GALNTL6: variants seen among roughly 807,000 people sequenced by gnomAD.
GALNTL6 encodes polypeptide N-acetylgalactosaminyltransferase like 6.
Under a neutral mutation model 73.7 loss-of-function variants are expected in GALNTL6, and 46 were observed. The observed-to-expected ratio is 0.62, with a 90% confidence interval of 0.49 to 0.80. The LOEUF (loss-of-function observed/expected upper bound fraction) is 0.80, where lower values mean the gene tolerates loss of function less well. Among genes scored for constraint, GALNTL6 ranks in the 30% least tolerant of loss-of-function variants. GALNTL6 has a pLI of 0.00. For synonymous variants in GALNTL6, 259 were observed against 263.7 expected (o/e 0.98, Z 0.17); for missense variants, 604 against 755.0 (o/e 0.80, Z 2.34).
intron 3 of GALNTL6, among the ~76,000 whole-genome samples, chr4:172,230,892 A>G (rs1235742964): frequency 2.0e-5 from 3 of 152,218 alleles, no homozygotes; most frequent in African/African-American, 7.2e-5. Context: ...AACTAGAGTT[A>G]GTAACAAAAT....
At chr4:172,747,953 G>T (rs939877537) in intron 5 of GALNTL6, among the ~76,000 whole-genome samples, 3 of 151,274 alleles carry the variant, frequency 2.0e-5, no homozygotes, top group Non-Finnish European at 2.9e-5. Flanking sequence ...CACTATATAA[G>T]CTCACTGACA....
chr4:172,042,060 C>T (rs2110841482), intron 2 of GALNTL6, among the ~76,000 whole-genome samples: 1 of 152,140 alleles, frequency 6.6e-6, no homozygotes, highest in East Asian at 1.9e-4. Context: ...ATTCAGCCAC[C>T]TTCCAGCTGC....
intron 2 of GALNTL6, among the ~76,000 whole-genome samples, chr4:171,864,261 A>T (rs1348177732): frequency 1.3e-5 from 2 of 152,208 alleles, no homozygotes; most frequent in African/African-American, 4.8e-5. Flanking sequence ...TTAGGTTCTG[A>T]ATATGATTAA....
chr4:172,053,276 GT>G (rs201744095), intron 2 of GALNTL6, among the ~76,000 whole-genome samples: 1 of 152,086 alleles, frequency 6.6e-6, no homozygotes, highest in Non-Finnish European at 1.5e-5. Context: ...CAGACATGGT[GT>G]TTTTTTAAAA....
intron 2 of GALNTL6, among the ~76,000 whole-genome samples, chr4:171,884,166 C>A (rs1371572537): frequency 1.3e-5 from 2 of 152,162 alleles, no homozygotes; most frequent in Non-Finnish European, 2.9e-5. Flanking sequence ...CTGTCTGAGG[C>A]CACAGTGACC....
chr4:172,486,218 T>A (rs1267807659), intron 5 of GALNTL6, among the ~76,000 whole-genome samples: 1 of 152,186 alleles, frequency 6.6e-6, no homozygotes, highest in Non-Finnish European at 1.5e-5. Context: ...TTAGCTAATA[T>A]ATAGAATCAT....
intron 5 of GALNTL6, among the ~76,000 whole-genome samples, chr4:172,528,788 T>C (rs1735057743): frequency 6.6e-6 from 1 of 150,724 alleles, no homozygotes. Flanking sequence ...ATTATTGTGT[T>C]CTTCATCATA....
chr4:172,910,538 A>T (rs1366269722), intron 8 of GALNTL6, among the ~76,000 whole-genome samples: 1 of 152,250 alleles, frequency 6.6e-6, no homozygotes, highest in Non-Finnish European at 1.5e-5. Context: ...GACTTTTAAG[A>T]TCCTCTTAAT....
At chr4:172,258,969 G>A (rs191765741) in intron 3 of GALNTL6, among the ~76,000 whole-genome samples, 1 of 151,076 alleles carries the variant, frequency 6.6e-6, no homozygotes, top group Non-Finnish European at 1.5e-5. Context: ...ATATATATAT[G>A]CCACATATTC....
At chr4:173,012,389 T>A (rs1219533309) in intron 11 of GALNTL6, among the ~76,000 whole-genome samples, 1 of 152,160 alleles carries the variant, frequency 6.6e-6, no homozygotes, top group Non-Finnish European at 1.5e-5. Context: ...CAGAGCATCA[T>A]GATGCGAGGA....
intron 7 of GALNTL6, among the ~76,000 whole-genome samples, chr4:172,868,961 A>T (rs1403818591): frequency 2.6e-5 from 4 of 152,222 alleles, no homozygotes. Flanking sequence ...TCAGCACACC[A>T]TAATCTATCA....
At chr4:172,340,130 T>A (rs1367467634) in intron 4 of GALNTL6, among the ~76,000 whole-genome samples, 1 of 152,192 alleles carries the variant, frequency 6.6e-6, no homozygotes, top group East Asian at 1.9e-4. Flanking sequence ...AGCTGTGGGC[T>A]TTTTATATAT....
chr4:172,240,148 C>A (rs1737370779), intron 3 of GALNTL6, among the ~76,000 whole-genome samples: 1 of 152,108 alleles, frequency 6.6e-6, no homozygotes, highest in East Asian at 1.9e-4. Flanking sequence ...GCTTTCTCTC[C>A]CTTTTTTTCT....
intron 5 of GALNTL6, among the ~76,000 whole-genome samples, chr4:172,742,312 T>A (rs1289405199): frequency 1.3e-5 from 2 of 151,846 alleles, no homozygotes; most frequent in Non-Finnish European, 2.9e-5. Context: ...CCACAGATGA[T>A]CTCTTGTATC....
intron 3 of GALNTL6, among the ~76,000 whole-genome samples, chr4:172,232,692 T>A (rs1737109723): frequency 1.3e-5 from 2 of 152,186 alleles, no homozygotes; most frequent in Non-Finnish European, 2.9e-5. Flanking sequence ...TATTTGAAAT[T>A]GACTTTTCCC....
chr4:172,907,647 T>G (rs1270424339), intron 8 of GALNTL6, among the ~76,000 whole-genome samples: 1 of 152,204 alleles, frequency 6.6e-6, no homozygotes, highest in African/African-American at 2.4e-5. Context: ...CAAATCTGAT[T>G]GCTGTCGGTT....
intron 2 of GALNTL6, among the ~76,000 whole-genome samples, chr4:172,127,325 C>T (rs552526693): frequency 3.3e-5 from 5 of 152,352 alleles, no homozygotes; most frequent in African/African-American, 1.2e-4. Flanking sequence ...TTGTTGACAC[C>T]TGAGTATTGC....
chr4:172,335,527 C>A (rs1741283669), intron 4 of GALNTL6, among the ~76,000 whole-genome samples: 1 of 152,162 alleles, frequency 6.6e-6, no homozygotes, highest in Non-Finnish European at 1.5e-5. Context: ...TTGGTACCAG[C>A]TCTTCTTTGC....
intron 5 of GALNTL6, among the ~76,000 whole-genome samples, chr4:172,539,142 T>A (rs1383411686): frequency 9.2e-5 from 14 of 152,088 alleles, no homozygotes; most frequent in Non-Finnish European, 1.5e-5. Context: ...CTAGGAAAAA[T>A]GTACATGAAT....
Sources: allele counts gnomAD v4.1 joint callset (sites outside exome capture counted in the v4.1 genomes callset), GRCh38; gene constraint gnomAD v4.1.1; transcripts MANE v1.5; gene names NCBI Gene and HGNC (gene_info 2026-07-23, HGNC 2026-07-21).